The following HPSE2 variants were observed in gnomAD, a reference collection of about 807,000 sequenced individuals.
The protein encoded by HPSE2 is heparanase 2 (inactive), also known as inactive heparanase-2.
HPSE2 carries 38 observed loss-of-function variants against 60.5 expected under a neutral mutation model. That is an observed-to-expected ratio of 0.63 (90% confidence interval 0.48 to 0.82). The LOEUF (loss-of-function observed/expected upper bound fraction) is 0.82, where lower values mean the gene tolerates loss of function less well. HPSE2 is among the 40% of genes least tolerant of loss of function. The probability of loss-of-function intolerance (pLI) is 0.00; values close to 1 mark genes in which losing one functional copy is unlikely to be tolerated. For missense variants in HPSE2, 713 were observed against 740.4 expected, an observed-to-expected ratio of 0.96 and a Z score of 0.43; for synonymous variants, 295 against 293.2, an observed-to-expected ratio of 1.01 and a Z score of -0.06.
At chr10:98,467,197 C>G (rs1940572692) in intron 11 of HPSE2, among the ~76,000 whole-genome samples, 1 of 152,162 alleles carries the variant, frequency 6.6e-6, no homozygotes. Context: ...TCCTGTCACA[C>G]AGTATTGTGA....
chr10:98,604,749 G>A (rs1945528643), intron 9 of HPSE2, among the ~76,000 whole-genome samples: 2 of 152,200 alleles, frequency 1.3e-5, no homozygotes, highest in African/African-American at 4.8e-5. Flanking sequence ...GGTTCAGCTG[G>A]GAGGTCCATC....
intron 6 of HPSE2, among the ~76,000 whole-genome samples, chr10:98,674,283 T>C (rs533922386): frequency 4.6e-5 from 7 of 152,332 alleles, no homozygotes; most frequent in African/African-American, 1.4e-4. Context: ...GACAGCAAAA[T>C]AGAATTCCAA....
chr10:98,580,836 A>ATATATATGTGTGTGTG, intron 9 of HPSE2, among the ~76,000 whole-genome samples: 1 of 119,528 alleles, frequency 8.4e-6, no homozygotes, highest in African/African-American at 3.6e-5. Flanking sequence ...ATATATATAT[A>ATATATATGTGTGTGTG]TGTGTGTGTG....
chr10:99,178,599 A>T (rs1358933845), intron 2 of HPSE2, among the ~76,000 whole-genome samples: 1 of 152,218 alleles, frequency 6.6e-6, no homozygotes, highest in African/African-American at 2.4e-5. Flanking sequence ...ATAGACTAAT[A>T]ACAAGTTCTG....
chr10:98,721,961 A>G, intron 4 of HPSE2, 133 bp from the exon 5 acceptor site: 1 of 796,516 alleles, frequency 1.3e-6, no homozygotes, highest in South Asian at 1.6e-5. Context: ...GGTGTGAATT[A>G]TTTTAACTTA....
At chr10:98,793,416 T>A (rs1357248712) in intron 3 of HPSE2, among the ~76,000 whole-genome samples, 2 of 152,244 alleles carry the variant, frequency 1.3e-5, no homozygotes, top group Non-Finnish European at 2.9e-5. Flanking sequence ...GCTGCTGCTA[T>A]TCATCTCTAG....
Position 98,490,077 on chromosome 10 carries a change from A to T in HPSE2, c.1440T>A (p.Ile480=). The T allele has an allele frequency of 6.2e-7, 1 of 1,614,224 alleles. No homozygotes were observed. The highest frequency in any genetic ancestry group is 1.1e-5 in the South Asian group (1 of 91,080). Residue 480 remains isoleucine (I), a synonymous_variant, in exon 10 of 12, where the codon ATT becomes ATA. Coordinates refer to ENST00000370552, the MANE Select transcript of HPSE2 (RefSeq NM_021828.5). ...TGTGGTGGTTTGTGCAGTGAGCATA[A>T]ATCCTTAGTTTGTCCCGGATCACTC... The part of the protein sequence containing the change: ...PGRVIRDKLR[I]YAHCTNHHNH...
chr10:98,663,622 G>A (rs1947282557), intron 6 of HPSE2, among the ~76,000 whole-genome samples: 1 of 152,136 alleles, frequency 6.6e-6, no homozygotes, highest in South Asian at 2.1e-4. Context: ...CCTAATATGG[G>A]GAAAGAATGA....
chr10:99,080,188 C>G (rs1032889152), intron 3 of HPSE2, among the ~76,000 whole-genome samples: 1 of 152,124 alleles, frequency 6.6e-6, no homozygotes, highest in African/African-American at 2.4e-5. Flanking sequence ...TATCCTTCAT[C>G]CTTGCTCAAT....
At chr10:98,900,082 T>C (rs1953622948) in intron 3 of HPSE2, among the ~76,000 whole-genome samples, 1 of 152,148 alleles carries the variant, frequency 6.6e-6, no homozygotes, top group South Asian at 2.1e-4. Context: ...TACTCCTAGG[T>C]ATTTGACCAA....
At chr10:98,929,402 T>C (rs1202189754) in intron 3 of HPSE2, among the ~76,000 whole-genome samples, 1 of 144,400 alleles carries the variant, frequency 6.9e-6, no homozygotes, top group Non-Finnish European at 1.5e-5. Context: ...AGATTTCTTG[T>C]CTGCAAAATG....
At chr10:99,175,286 C>T (rs1009483722) in intron 2 of HPSE2, among the ~76,000 whole-genome samples, 1 of 152,158 alleles carries the variant, frequency 6.6e-6, no homozygotes, top group African/African-American at 2.4e-5. Flanking sequence ...TTTACTCCCC[C>T]AGAAAGGGGG....
intron 3 of HPSE2, among the ~76,000 whole-genome samples, chr10:98,968,585 G>A (rs372186742): frequency 6.6e-6 from 1 of 152,078 alleles, no homozygotes. Context: ...GCAAAAATAC[G>A]GAGCCAACCT....
chr10:98,653,933 GTCTT>G (rs1472057771), intron 6 of HPSE2, among the ~76,000 whole-genome samples: 1 of 149,178 alleles, frequency 6.7e-6, no homozygotes, highest in Non-Finnish European at 1.5e-5. Flanking sequence ...GTCTGAGAAA[GTCTT>G]TATTTCTCTT....
intron 2 of HPSE2, among the ~76,000 whole-genome samples, chr10:99,176,025 G>C (rs1212542439): frequency 6.6e-6 from 1 of 152,200 alleles, no homozygotes; most frequent in East Asian, 1.9e-4. Flanking sequence ...TGCAGCAGAA[G>C]GGCCTCACTG....
At chr10:99,281,790 T>C in the HPSE2 span, among the ~76,000 whole-genome samples, 2 of 152,150 alleles carry the variant, frequency 1.3e-5, no homozygotes, top group Admixed American at 1.3e-4. Context: ...GTAAACAGTT[T>C]AGATTTAATT....
chr10:99,024,518 A>G (rs1957333770), intron 3 of HPSE2, among the ~76,000 whole-genome samples: 1 of 152,170 alleles, frequency 6.6e-6, no homozygotes, highest in Non-Finnish European at 1.5e-5. Flanking sequence ...AAGGGATAAT[A>G]ACACAGAACT....
At chr10:98,683,732 C>A (rs1947843388) in intron 6 of HPSE2, among the ~76,000 whole-genome samples, 1 of 151,508 alleles carries the variant, frequency 6.6e-6, no homozygotes. Context: ...AGAAGGAATG[C>A]ACAAAAAAGG....
At chr10:98,960,730 T>TTTTTTTTTTTTTTTTTTTTTATTTTG (rs1955647062) in intron 3 of HPSE2, among the ~76,000 whole-genome samples, 8 of 24,796 alleles carry the variant, frequency 3.2e-4, no homozygotes, top group Non-Finnish European at 4.5e-4. Context: ...TGTTTTATTT[T>TTTTTTTTTTTTTTTTTTTTTATTTTG]TTTTATTTTA....
Sources: allele counts gnomAD v4.1 joint callset (sites outside exome capture counted in the v4.1 genomes callset), GRCh38; gene constraint gnomAD v4.1.1; transcripts MANE v1.5; gene names NCBI Gene and HGNC (gene_info 2026-07-23, HGNC 2026-07-21).